The following CDH13 variants were observed in gnomAD, a reference collection of about 807,000 sequenced individuals.
CDH13 encodes cadherin-13.
A neutral mutation model predicts 63.8 loss-of-function variants in CDH13; 24 were observed. The ratio of observed to expected loss-of-function variants is 0.38; its 90% CI spans 0.27 to 0.53. The LOEUF (loss-of-function observed/expected upper bound fraction) is 0.53. Ranked by LOEUF, CDH13 falls within the 20% of genes least tolerant of loss-of-function variation. The probability of loss-of-function intolerance (pLI) is 0.85; values close to 1 mark genes in which losing one functional copy is unlikely to be tolerated. For missense variants in CDH13, 1,049 were observed against 903.1 expected (o/e 1.16, Z -2.07); for synonymous variants, 503 against 355.3 (o/e 1.42, Z -4.67).
chr16:83,144,338 G>A (rs2036657561), intron 4 of CDH13, among the ~76,000 whole-genome samples: 1 of 152,172 alleles, frequency 6.6e-6, no homozygotes, highest in South Asian at 2.1e-4. Context: ...ATATGCTACT[G>A]TATTTATAAA....
rs117792655 is a variant in CDH13 at position 83,176,823 on chromosome 16, G to T, written c.484-40522G>T. Among the ~76,000 whole-genome samples, 714 of 152,244 alleles carry T rather than the reference G, an allele frequency of 4.7e-3. 2 individuals are homozygous for T. The highest frequency in any genetic ancestry group is 0.017 in the Middle Eastern group (5 of 294). ...TAATTCCAAAGTTGTCTGAGTGCCG[G>T]ATTGTAGCTCTGTTGAGCCTGGGTC... On this transcript the variant is annotated intron_variant, in intron 4 of 13. Coordinates refer to ENST00000567109, the MANE Select transcript of CDH13 (RefSeq NM_001257.5).
rs117208969 is a variant in CDH13 at position 83,530,179 on chromosome 16, A to G, written c.960+43524A>G. Among the ~76,000 whole-genome samples, 634 of 152,298 alleles carry G rather than the reference A, an allele frequency of 4.2e-3. 3 individuals carry two copies. Among genetic ancestry groups the G allele is most frequent in the Non-Finnish European group, 6.6e-3 (446 of 68,028 alleles). ...TTTTGGGGGTGTTCAGCTTGGTGCT[A>G]TTCATGATAATTTGTAATAGGTTAA... On this transcript the variant is annotated intron_variant, in intron 7 of 13. Transcript: ENST00000567109.
At chr16:82,979,403 A>G (rs1909962448) in intron 2 of CDH13, among the ~76,000 whole-genome samples, 3 of 152,114 alleles carry the variant, frequency 2.0e-5, no homozygotes, top group South Asian at 2.1e-4. Flanking sequence ...TCCAAATTTC[A>G]TCTTGAATTA....
chr16:82,849,663 A>G (rs889581530), intron 1 of CDH13, among the ~76,000 whole-genome samples: 2 of 152,226 alleles, frequency 1.3e-5, no homozygotes, highest in African/African-American at 4.8e-5. Context: ...CTGGATGAAG[A>G]TCCCATCTAG....
chr16:83,484,186 GA>G (rs374732660), intron 6 of CDH13, among the ~76,000 whole-genome samples: 106 of 151,984 alleles, frequency 7.0e-4, no homozygotes, highest in African/African-American at 2.1e-3. Flanking sequence ...AGTGGTGGGG[GA>G]AAAAAAACTG....
At chr16:83,726,632 A>G (rs919436230) in intron 10 of CDH13, among the ~76,000 whole-genome samples, 6 of 152,136 alleles carry the variant, frequency 3.9e-5, no homozygotes, top group Admixed American at 3.9e-4. Context: ...TGAGGAGATC[A>G]AGACCATCCT....
chr16:83,530,679 C>G (rs2075064239), intron 7 of CDH13, among the ~76,000 whole-genome samples: 1 of 152,216 alleles, frequency 6.6e-6, no homozygotes, highest in Non-Finnish European at 1.5e-5. Flanking sequence ...CAGAATTCAT[C>G]TCATTAACTT....
At chr16:83,550,987 A>G (rs1477313153) in intron 7 of CDH13, among the ~76,000 whole-genome samples, 1 of 151,938 alleles carries the variant, frequency 6.6e-6, no homozygotes, top group Admixed American at 6.6e-5. Flanking sequence ...GCCAATTTGC[A>G]TCTCCCAAGT....
intron 2 of CDH13, among the ~76,000 whole-genome samples, chr16:82,937,747 C>T (rs1567677418): frequency 6.6e-6 from 1 of 152,190 alleles, no homozygotes; most frequent in Admixed American, 6.5e-5. Flanking sequence ...TCCATAATAT[C>T]TGTTTGTCCA....
chr16:83,292,580 G>A lies in CDH13; in HGVS notation c.637-52282G>A, dbSNP rs145492271. ...TTGAACAGGTCTTTTCAAATCAAGCGGTAGGAGCTATACCTCTCCCAGATG... is the reference window on the plus strand; with the variant it reads ...TTGAACAGGTCTTTTCAAATCAAGCAGTAGGAGCTATACCTCTCCCAGATG... On this transcript the variant is annotated intron_variant, in intron 5 of 13. Transcript: ENST00000567109. Among the ~76,000 whole-genome samples, 390 of 152,156 alleles carry A rather than the reference G, an allele frequency of 2.6e-3. 1 individual carries two copies. The highest frequency in any genetic ancestry group is 8.7e-3 in the African/African-American group (363 of 41,512).
chr16:83,281,661 C>T (rs1379915063), intron 5 of CDH13, among the ~76,000 whole-genome samples: 2 of 151,736 alleles, frequency 1.3e-5, no homozygotes, highest in Non-Finnish European at 2.9e-5. Context: ...GTAATCCCCG[C>T]ATTTTGGTAG....
intron 5 of CDH13, among the ~76,000 whole-genome samples, chr16:83,330,567 T>TC (rs1462151770): frequency 1.3e-5 from 2 of 152,100 alleles, no homozygotes; most frequent in African/African-American, 2.4e-5. Context: ...GGACATGGCA[T>TC]CCCCAACCCC....
intron 1 of CDH13, among the ~76,000 whole-genome samples, chr16:82,854,035 G>A (rs2039593630): frequency 6.6e-6 from 1 of 152,172 alleles, no homozygotes; most frequent in African/African-American, 2.4e-5. Flanking sequence ...CAAAGTTACT[G>A]TGAATGAAAT....
intron 6 of CDH13, among the ~76,000 whole-genome samples, chr16:83,476,583 G>A (rs1230518694): frequency 1.3e-5 from 2 of 152,176 alleles, no homozygotes; most frequent in Non-Finnish European, 1.5e-5. Context: ...TGAGGCATGA[G>A]AATCACTTGA....
chr16:82,916,196 A>G (rs1443592241), intron 2 of CDH13, among the ~76,000 whole-genome samples: 1 of 152,152 alleles, frequency 6.6e-6, no homozygotes, highest in Non-Finnish European at 1.5e-5. Flanking sequence ...CTTAAGATGC[A>G]ATATGGGCTG....
intron 2 of CDH13, among the ~76,000 whole-genome samples, chr16:82,900,922 A>G (rs1052696464): frequency 6.6e-6 from 1 of 152,212 alleles, no homozygotes; most frequent in African/African-American, 2.4e-5. Flanking sequence ...AATCCCAAGC[A>G]CTAAATCCCA....
chr16:83,243,946 C>A (rs1388757708), intron 5 of CDH13, among the ~76,000 whole-genome samples: 1 of 152,096 alleles, frequency 6.6e-6, no homozygotes, highest in Non-Finnish European at 1.5e-5. Flanking sequence ...ACTATGAAGC[C>A]CTTTCCCATA....
chr16:83,740,842 T>C (rs955168129), intron 10 of CDH13, among the ~76,000 whole-genome samples: 1 of 152,220 alleles, frequency 6.6e-6, no homozygotes, highest in Non-Finnish European at 1.5e-5. Flanking sequence ...GGACAACTCT[T>C]CTTGTCCACA....
chr16:83,245,089 G>A (rs879432622), intron 5 of CDH13, among the ~76,000 whole-genome samples: 7 of 150,294 alleles, frequency 4.7e-5, no homozygotes, highest in African/African-American at 1.2e-4. Flanking sequence ...TCCCACACTT[G>A]CTATGTTGGC....
Sources: gnomAD v4.1 joint callset for allele counts (sites outside exome capture counted in the v4.1 genomes callset) on GRCh38, gnomAD v4.1.1 for gene constraint, MANE v1.5 for transcripts, NCBI Gene and HGNC (gene_info 2026-07-23, HGNC 2026-07-21) for gene names.